Variants in CADPS observed in about 807,000 individuals in gnomAD.
The protein encoded by CADPS is calcium dependent secretion activator, also known as calcium-dependent secretion activator 1.
In CADPS, 57 loss-of-function variants were observed where a neutral mutation model predicts 167.3. That is an observed-to-expected ratio of 0.34 (90% CI 0.28 to 0.42). The LOEUF (loss-of-function observed/expected upper bound fraction) is 0.42. Ranked by LOEUF, CADPS falls within the 20% of genes least tolerant of loss-of-function variation. The pLI is 1.00. For missense variants in CADPS, 1,414 were observed against 1,738.1 expected, an observed-to-expected ratio of 0.81 and a Z score of 3.32; for synonymous variants, 676 against 635.3, an observed-to-expected ratio of 1.06 and a Z score of -0.96.
intron 28 of CADPS, chr3:62,404,047 G>A (rs563092705): frequency 2.0e-5 from 3 of 151,914 alleles, no homozygotes; most frequent in Non-Finnish European, 4.4e-5. Context: ...AATCTCACTC[G>A]GAGACATATG....
intron 2 of CADPS, among the ~76,000 whole-genome samples, chr3:62,760,832 T>C (rs1322280363): frequency 6.6e-6 from 1 of 152,226 alleles, no homozygotes; most frequent in Non-Finnish European, 1.5e-5. Flanking sequence ...TCTTCTTGCA[T>C]AGATGAAACC....
In CADPS at chr3:62,568,409, G is replaced by T. The variant is rs140429654; in HGVS notation, c.1644+2463C>A. Among the ~76,000 whole-genome samples the T allele has an allele frequency of 1.1e-4, 16 of 152,366 alleles. No homozygotes were observed. In the East Asian group the frequency reaches 3.1e-3, roughly 29 times the overall value. Reference sequence around the variant, plus strand: ...GAACGAAGCAGGTGGAAGGAGGTGGGATAAGACTGCTTGCCGAGTCTTCAG... The same window carrying T: ...GAACGAAGCAGGTGGAAGGAGGTGGTATAAGACTGCTTGCCGAGTCTTCAG... On this transcript the variant is annotated intron_variant, in intron 9 of 29. Transcript: ENST00000383710.
rs1192160113 is a variant in CADPS, at chr3:62,399,507, G to A, written c.3961C>T (p.Arg1321Cys). The A allele has an allele frequency of 1.9e-6, 3 of 1,614,104 alleles. No individual in the cohort carries two copies. The highest frequency in any genetic ancestry group is 1.1e-5 in the South Asian group (1 of 91,084). Reference protein sequence around the residue: ...NSKTYETIRNRLTVEEATASV... With the variant: ...NSKTYETIRNCLTVEEATASV... ...GCTGTGGCTTCCTCCACAGTGAGAC[G>A]GTTCCGGATCGTTTCATAGGTCTTG... The change falls in exon 30 of 30, where the codon CGT becomes TGT. Residue 1321 changes from arginine to cysteine, a missense_variant. Physicochemically the swap from Arg to Cys is radical, Grantham distance 180. Around this residue, in one of 6 missense-constraint regions of CADPS, gnomAD observed 185 missense variants for 251.5 expected, o/e 0.74. Coordinates refer to ENST00000383710, the MANE Select transcript of CADPS (RefSeq NM_003716.4). The surrounding 1 kb of genome is among the most constrained non-coding windows in gnomAD (Gnocchi z 5.6).
intron 3 of CADPS, among the ~76,000 whole-genome samples, chr3:62,741,994 C>G (rs2080365649): frequency 6.6e-6 from 1 of 152,016 alleles, no homozygotes; most frequent in African/African-American, 2.4e-5. Context: ...GTGAAGGTGA[C>G]AGCCAAATCA....
In CADPS at chr3:62,645,898, G is replaced by A. The variant is rs1014144111; in HGVS notation, c.1204-55C>T. 36 of 1,598,226 alleles carry A rather than the reference G, an allele frequency of 2.3e-5. 1 individual carries two copies. The African/African-American group carries it at 2.7e-4, about 12-fold the overall frequency. ...TATTGGCAAGGCCCCTGGCAGCATC[G>A]CCCAGAGGAAAATACACAAATGAGA... On this transcript the variant is annotated intron_variant, in intron 5 of 29. Coordinates refer to ENST00000383710, the MANE Select transcript of CADPS (RefSeq NM_003716.4).
In CADPS at chr3:62,438,069, C is replaced by T; in HGVS notation, c.3777+35G>A. 1.4e-6 allele frequency: 2 copies of T among 1,429,562 alleles called. No individual in the cohort carries two copies. Among genetic ancestry groups the T allele is most frequent in the Non-Finnish European group, 9.9e-7 (1 of 1,014,796 alleles). 88.6% of individuals were successfully genotyped at this position (1,429,562 alleles called of 1,614,324 possible). On this transcript the variant is annotated intron_variant, in intron 28 of 29. Transcript: ENST00000383710. This position sits in a 1 kb window ranked among gnomAD's most constrained non-coding sequence, Gnocchi z 4.7. ...TTTGTCACATTTTGGAGGGTCTCCT[C>T]CTTGGTTTTCAAGGAGGAGAAGGCA... is the stretch of plus-strand genomic sequence containing the variant.
At chr3:62,790,067 C>T (rs1216216587) in intron 1 of CADPS, among the ~76,000 whole-genome samples, 1 of 151,878 alleles carries the variant, frequency 6.6e-6, no homozygotes, top group Non-Finnish European at 1.5e-5. Flanking sequence ...CATCAGAAGG[C>T]TTAAAATTCT....
At chr3:62,643,392 C>A (rs1302318122) in intron 6 of CADPS, among the ~76,000 whole-genome samples, 2 of 152,208 alleles carry the variant, frequency 1.3e-5, no homozygotes, top group African/African-American at 4.8e-5. Context: ...ACAAATCAAC[C>A]AACCTACTGA....
In CADPS at chr3:62,544,655, A is replaced by G. The variant is rs903631460; in HGVS notation, c.1966+5248T>C. Among the ~76,000 whole-genome samples, 2 of 152,190 alleles carry G rather than the reference A, an allele frequency of 1.3e-5. No individual in the cohort carries two copies. On this transcript the variant is annotated intron_variant, in intron 11 of 29. Coordinates refer to ENST00000383710, the MANE Select transcript of CADPS (RefSeq NM_003716.4). The surrounding 1 kb of genome is among the most constrained non-coding windows in gnomAD (Gnocchi z 4.4). The stretch of plus-strand genomic sequence containing the variant: ...TGAAAGCCAAGGAGAGGAGGCAATT[A>G]TGCACACATCACATGCATCCTAGTT...
intron 10 of CADPS, 80 bp downstream of exon 10, chr3:62,557,325 T>C: frequency 1.1e-6 from 1 of 932,660 alleles, no homozygotes; most frequent in Non-Finnish European, 1.8e-6. Context: ...ATGGAGTAAG[T>C]GCCCAGCAAT....
chr3:62,697,815 T>A (rs778439931), intron 3 of CADPS, among the ~76,000 whole-genome samples: 1 of 152,166 alleles, frequency 6.6e-6, no homozygotes, highest in Non-Finnish European at 1.5e-5. Flanking sequence ...AATAAGGTGG[T>A]ATCACATTGT....
intron 4 of CADPS, among the ~76,000 whole-genome samples, chr3:62,658,992 G>T (rs577949676): frequency 1.3e-5 from 2 of 152,150 alleles, no homozygotes; most frequent in Non-Finnish European, 2.9e-5. Context: ...CAGTTTCTCT[G>T]CAGGTTCTGT....
intron 3 of CADPS, among the ~76,000 whole-genome samples, chr3:62,722,284 C>T (rs2075977696): frequency 6.6e-6 from 1 of 152,218 alleles, no homozygotes; most frequent in South Asian, 2.1e-4. Context: ...CTTGGTGAGG[C>T]AAAGGCTGCA....
intron 3 of CADPS, among the ~76,000 whole-genome samples, chr3:62,710,331 A>T (rs1422432107): frequency 6.6e-6 from 1 of 152,018 alleles, no homozygotes; most frequent in African/African-American, 2.4e-5. Context: ...GCCCTGGCCC[A>T]GACAATTAAA....
intron 10 of CADPS, among the ~76,000 whole-genome samples, chr3:62,556,630 C>T (rs990601710): frequency 4.6e-5 from 7 of 151,944 alleles, no homozygotes; most frequent in Non-Finnish European, 8.8e-5. Flanking sequence ...GAAATGATTT[C>T]GCACCCCCCT....
At chr3:62,626,444 A>C (rs538795462) in intron 6 of CADPS, 22 of 698,360 alleles carry the variant, frequency 3.2e-5, no homozygotes, top group South Asian at 3.0e-4. Context: ...TTATTCAGTA[A>C]ACAGAGATTG....
intron 2 of CADPS, among the ~76,000 whole-genome samples, chr3:62,757,446 G>C (rs1185764820): frequency 1.3e-5 from 2 of 152,100 alleles, no homozygotes; most frequent in Non-Finnish European, 2.9e-5. Context: ...GCATGTAGCT[G>C]GTGCTCAGTA....
chr3:62,497,964 T>C (rs954940018), intron 18 of CADPS, among the ~76,000 whole-genome samples: 20 of 152,110 alleles, frequency 1.3e-4, no homozygotes, highest in Non-Finnish European at 2.8e-4. Flanking sequence ...ATCACCCACA[T>C]TGACCCTGCC....
intron 21 of CADPS, 105 bp downstream of exon 21, chr3:62,491,234 G>T: frequency 8.2e-7 from 1 of 1,223,502 alleles, no homozygotes; most frequent in Non-Finnish European, 1.2e-6. Context: ...GTTTCTCTCT[G>T]TCCACAATAA....
Sources: allele counts gnomAD v4.1 joint callset (sites outside exome capture counted in the v4.1 genomes callset), GRCh38; gene constraint gnomAD v4.1.1; regional missense constraint gnomAD v4.1.1; non-coding constraint Gnocchi (gnomAD v3.1); transcripts MANE v1.5; gene names NCBI Gene and HGNC (gene_info 2026-07-23, HGNC 2026-07-21).